Variants in ZNF217 observed in about 807,000 individuals in gnomAD.
The protein encoded by ZNF217 is zinc finger protein 217.
A neutral mutation model predicts 73.3 loss-of-function variants in ZNF217; 12 were observed. The ratio of observed to expected loss-of-function variants is 0.16; its 90% CI spans 0.10 to 0.27. The LOEUF (loss-of-function observed/expected upper bound fraction) is 0.27, where lower values mean the gene tolerates loss of function less well. Among genes scored for constraint, ZNF217 ranks in the 10% least tolerant of loss-of-function variants. The pLI, the probability that ZNF217 is intolerant of heterozygous loss-of-function variation, is 1.00. For synonymous variants in ZNF217, 588 were observed against 516.4 expected, an observed-to-expected ratio of 1.14 and a Z score of -1.88; for missense variants, 1,195 against 1,327.8, an observed-to-expected ratio of 0.90 and a Z score of 1.55.
chr20:53,582,897 C>T lies in ZNF217; in HGVS notation c.-71G>A, dbSNP rs920336244. The T allele has an allele frequency of 4.7e-5, 69 of 1,477,938 alleles. No homozygotes were observed. The highest frequency in any genetic ancestry group is 6.3e-5 in the Non-Finnish European group (69 of 1,096,368). 91.6% of individuals were successfully genotyped at this position (1,477,938 alleles called of 1,614,324 possible). ...CCACTTGTAAGACTTGTCACTCACC[C>T]CTCTAACAGCCCTGGGTTCCAAAAA... On this transcript the variant is annotated 5_prime_UTR_variant, in exon 2 of 6. Transcript: ENST00000371471. This position sits in a 1 kb window ranked among gnomAD's most constrained non-coding sequence, Gnocchi z 4.8.
Position 53,582,929 on chromosome 20 carries a change from C to T in ZNF217, c.-103G>A, listed in dbSNP as rs1988564800. ...CAGCCCTGGGTTCCAAAAACCAGAG[C>T]AAATATTTATTATAAAAGTTCAAAA... On this transcript the variant is annotated 5_prime_UTR_variant, in exon 2 of 6. Coordinates refer to ENST00000371471, the MANE Select transcript of ZNF217 (RefSeq NM_006526.3). The surrounding 1 kb of genome is among the most constrained non-coding windows in gnomAD (Gnocchi z 4.8). 8.1e-7 allele frequency: 1 copy of T among 1,236,234 alleles called. No homozygotes were observed. Among genetic ancestry groups the T allele is most frequent in the Non-Finnish European group, 1.1e-6 (1 of 885,524 alleles). 76.6% of individuals were successfully genotyped at this position (1,236,234 alleles called of 1,614,324 possible). A position where few individuals can be genotyped will look rare whatever the true frequency, so the allele number is the denominator to read the frequency against.
intron 4 of ZNF217, 47 bp downstream of exon 4, chr20:53,575,680 T>C (rs1321856532): frequency 6.7e-7 from 1 of 1,494,136 alleles, no homozygotes; most frequent in African/African-American, 1.4e-5. Flanking sequence ...GATTAGCTAT[T>C]AATCACTGTA....
At chr20:53,584,505 G>C (rs1300339929) in intron 1 of ZNF217, among the ~76,000 whole-genome samples, 3 of 152,334 alleles carry the variant, frequency 2.0e-5, no homozygotes, top group South Asian at 2.1e-4. Flanking sequence ...GTAAAGGAAA[G>C]AATGTCCTGA....
chr20:53,581,820 G>T lies in ZNF217; in HGVS notation c.1007C>A (p.Thr336Lys). ...DSSSEKELGE[T>K]NKGSCAGLSQ... ...GAGGCCTGCACAACTGCCCTTATTT[G>T]TTTCTCCAAGCTCCTTCTCGGAACT... Residue 336 changes from threonine (T) to lysine (K), a missense_variant, in exon 2 of 6, where the codon ACA (threonine) becomes AAA (lysine). By Grantham distance (78) the Thr-to-Lys change is moderately conservative (BLOSUM62 -1). Transcript: ENST00000371471. The surrounding 1 kb of genome is among the most constrained non-coding windows in gnomAD (Gnocchi z 4.9). 6.2e-7 allele frequency: 1 copy of T among 1,614,218 alleles called. No homozygotes were observed. Among genetic ancestry groups the T allele is most frequent in the South Asian group, 1.1e-5 (1 of 91,088 alleles).
chr20:53,568,997 A>T lies in ZNF217; in HGVS notation c.*291T>A. The T allele has an allele frequency of 1.4e-6, 1 of 704,834 alleles. No individual in the cohort carries two copies. The highest frequency in any genetic ancestry group is 1.8e-6 in the Non-Finnish European group (1 of 565,592). 43.7% of individuals were successfully genotyped at this position (704,834 alleles called of 1,614,324 possible). On this transcript the variant is annotated 3_prime_UTR_variant, in exon 6 of 6. Transcript: ENST00000371471. ...CAAAAATTCCACTTCTTATTTGGTC[A>T]ATTCTAAGAAAAATATTATTCAGGG... is the stretch of plus-strand genomic sequence containing the variant.
At position 53,567,465 on chromosome 20, in the gene ZNF217, G is replaced by C. The variant is rs1411589914; in HGVS notation, c.*1823C>G. On this transcript the variant is annotated 3_prime_UTR_variant, in exon 6 of 6. Transcript: ENST00000371471. Reference sequence around the variant, plus strand: ...ATCGACTTGTTTTCAAATAGATTTGGTGATTCTTTTTTTTAAATACAGGTT... The same window carrying C: ...ATCGACTTGTTTTCAAATAGATTTGCTGATTCTTTTTTTTAAATACAGGTT... 1 of 152,000 alleles carries C rather than the reference G, an allele frequency of 6.6e-6. No individual in the cohort carries two copies. Among genetic ancestry groups the C allele is most frequent in the Non-Finnish European group, 1.5e-5 (1 of 68,014 alleles). The allele number at this position is 152,000 out of a possible 1,614,324, so 9.4% of individuals were successfully genotyped here. A position where few individuals can be genotyped will look rare whatever the true frequency, so the allele number is the denominator to read the frequency against.
Position 53,581,401 on chromosome 20 carries a change from G to A in ZNF217, c.1366+60C>T. On this transcript the variant is annotated intron_variant, in intron 2 of 5. Transcript: ENST00000371471. This position sits in a 1 kb window ranked among gnomAD's most constrained non-coding sequence, Gnocchi z 4.9. ...GTCTGGAGATGGGAATAGAGAGGGG[G>A]AGACGGGGAGACAGACAGACACAGG... 3 of 1,527,594 alleles carry A rather than the reference G, an allele frequency of 2.0e-6. No individual in the cohort carries two copies. Among genetic ancestry groups the A allele is most frequent in the Non-Finnish European group, 2.6e-6 (3 of 1,140,232 alleles). The allele number at this position is 1,527,594 out of a possible 1,614,324, so 94.6% of individuals were successfully genotyped here.
In ZNF217 at chr20:53,576,876, A is replaced by G; in HGVS notation, c.1888T>C (p.Ser630Pro). The change falls in exon 4 of 6, where the codon TCA (serine) becomes CCA (proline). Residue 630 changes from serine to proline, a missense_variant. By Grantham distance (74) the Ser-to-Pro change is moderately conservative. Transcript: ENST00000371471. ...TTATTTGCCTGAGTTTCAACTGCTG[A>G]TCTCTTTTTTAACAGGTCCAGGTAA... Reference protein sequence around the residue: ...PAYLDLLKKRSAVETQANNLI... With the variant: ...PAYLDLLKKRPAVETQANNLI... 1.2e-6 allele frequency: 2 copies of G among 1,614,094 alleles called. No individual in the cohort carries two copies. The highest frequency in any genetic ancestry group is 1.7e-6 in the Non-Finnish European group (2 of 1,180,010).
chr20:53,571,539 G>A (rs745509847), intron 5 of ZNF217, among the ~76,000 whole-genome samples, 182 bp downstream of exon 5: 1 of 151,476 alleles, frequency 6.6e-6, no homozygotes, highest in East Asian at 1.9e-4. Flanking sequence ...TAAGTAGCTG[G>A]GACTACAGGC....
intron 5 of ZNF217, among the ~76,000 whole-genome samples, chr20:53,570,657 G>A (rs890085214): frequency 1.3e-5 from 2 of 152,168 alleles, no homozygotes; most frequent in Admixed American, 1.3e-4. Flanking sequence ...AGCCTTACGG[G>A]ACGGCGGTGC....
At chr20:53,590,193 G>C (rs1988831484) in intron 1 of ZNF217, among the ~76,000 whole-genome samples, 1 of 152,168 alleles carries the variant, frequency 6.6e-6, no homozygotes, top group African/African-American at 2.4e-5. Context: ...TTATGCAACT[G>C]TCTCATGTTT....
chr20:53,581,437 C>G lies in ZNF217; in HGVS notation c.1366+24G>C. 1.3e-6 allele frequency: 2 copies of G among 1,582,192 alleles called. No homozygotes were observed. Among genetic ancestry groups the G allele is most frequent in the East Asian group, 2.2e-5 (1 of 44,500 alleles). On this transcript the variant is annotated intron_variant, in intron 2 of 5. Transcript: ENST00000371471. This position sits in a 1 kb window ranked among gnomAD's most constrained non-coding sequence, Gnocchi z 4.9. ...ACAGACAGACACAGGCGGAACAGCA[C>G]GGGACGGAGACAGGGCAGCTTACCC...
rs1275444818 is a variant in ZNF217 at position 53,576,972 on chromosome 20, C to T, written c.1792G>A (p.Asp598Asn). Residue 598 changes from aspartate to asparagine, a missense_variant, in exon 4 of 6, where the codon GAT becomes AAT. Physicochemically the swap from Asp to Asn is conservative, Grantham distance 23. Coordinates refer to ENST00000371471, the MANE Select transcript of ZNF217 (RefSeq NM_006526.3). ...GSAVLSPAHK[D>N]TQDFHKNAAD... ...GCATTTTTATGGAAATCCTGAGTATCTTTGTGTGCTGGTGAGAGGACAGCG... is the reference window on the plus strand; with the variant it reads ...GCATTTTTATGGAAATCCTGAGTATTTTTGTGTGCTGGTGAGAGGACAGCG... The T allele has an allele frequency of 6.2e-7, 1 of 1,614,044 alleles. No individual in the cohort carries two copies. Among genetic ancestry groups the T allele is most frequent in the Non-Finnish European group, 8.5e-7 (1 of 1,180,034 alleles).
At chr20:53,569,439 G>A (rs1165059118) in intron 5 of ZNF217, among the ~76,000 whole-genome samples, 175 bp from the exon 6 acceptor site, 1 of 152,180 alleles carries the variant, frequency 6.6e-6, no homozygotes, top group Non-Finnish European at 1.5e-5. Flanking sequence ...CTGGAGTGCA[G>A]CGGCACGATC....
chr20:53,591,934 T>G (rs1476452784), intron 1 of ZNF217, among the ~76,000 whole-genome samples: 3 of 152,206 alleles, frequency 2.0e-5, no homozygotes, highest in Admixed American at 6.5e-5. Flanking sequence ...ATCTCCTTCT[T>G]GACATATACA....
intron 1 of ZNF217, among the ~76,000 whole-genome samples, chr20:53,591,850 G>C (rs1988886287): frequency 6.6e-6 from 1 of 152,182 alleles, no homozygotes; most frequent in African/African-American, 2.4e-5. Flanking sequence ...AGCATTTTAA[G>C]TCTTGTTTGA....
chr20:53,579,582 T>C (rs1208720690), intron 2 of ZNF217, among the ~76,000 whole-genome samples: 3 of 152,340 alleles, frequency 2.0e-5, no homozygotes, highest in South Asian at 2.1e-4. Context: ...CTCCCAACTA[T>C]GTGTCAGGAT....
chr20:53,588,945 T>C (rs1988792543), intron 1 of ZNF217, among the ~76,000 whole-genome samples: 1 of 152,298 alleles, frequency 6.6e-6, no homozygotes, highest in Middle Eastern at 3.4e-3. Flanking sequence ...AAACTCTATA[T>C]TGATTACAAA....
upstream of ZNF217, among the ~76,000 whole-genome samples, chr20:53,596,584 C>T (rs1989045248): frequency 6.6e-6 from 1 of 152,074 alleles, no homozygotes; most frequent in Non-Finnish European, 1.5e-5. Context: ...ATAGTTCAAA[C>T]AATTAAAATA....
Sources: gnomAD v4.1 joint callset for allele counts (sites outside exome capture counted in the v4.1 genomes callset) on GRCh38, gnomAD v4.1.1 for gene constraint, Gnocchi (gnomAD v3.1) non-coding constraint, MANE v1.5 for transcripts, NCBI Gene and HGNC (gene_info 2026-07-23, HGNC 2026-07-21) for gene names.